SLC22A23: variants seen among roughly 807,000 people sequenced by gnomAD.
SLC22A23 encodes the protein ion transporter protein.
A neutral mutation model predicts 61.0 loss-of-function variants in SLC22A23; 26 were observed. That is an observed-to-expected ratio of 0.43 (90% CI 0.31 to 0.59). The LOEUF (loss-of-function observed/expected upper bound fraction) is 0.59, where lower values mean the gene tolerates loss of function less well. Ranked by LOEUF, SLC22A23 falls within the 20% of genes least tolerant of loss-of-function variation. The pLI is 0.11. For missense variants in SLC22A23, 796 were observed against 934.7 expected, an observed-to-expected ratio of 0.85 and a Z score of 1.94; for synonymous variants, 430 against 413.9, an observed-to-expected ratio of 1.04 and a Z score of -0.47.
rs139646644 is a variant in SLC22A23 at position 3,427,417 on chromosome 6, AACTG to A, written c.655-11566_655-11563del. On this transcript the variant is annotated intron_variant, in intron 1 of 9. Coordinates refer to ENST00000406686, the MANE Select transcript of SLC22A23 (RefSeq NM_015482.2). The surrounding 1 kb of genome is among the most constrained non-coding windows in gnomAD (Gnocchi z 4.3). Reference sequence around the variant, plus strand: ...AGCTATTCATTTTAGCCTCACCCCTAACTGACCCAAATTAAGGGGTATTTTACTA... The same window carrying A: ...AGCTATTCATTTTAGCCTCACCCCTAACCCAAATTAAGGGGTATTTTACTA... 0.022 allele frequency among the ~76,000 whole-genome samples: 3,276 copies of A among 152,178 alleles called. 115 individuals are homozygous for A. The highest frequency in any genetic ancestry group is 0.074 in the African/African-American group (3,084 of 41,500).
rs1766271022 is a variant in SLC22A23, at chr6:3,372,300, T to C, written c.913+37888A>G. ...CTAGTGTTTCAAAGTAGGGTATGAA[T>C]GCAGTAACAGGTAACAGGGATTTGA... is the stretch of plus-strand genomic sequence containing the variant. On this transcript the variant is annotated intron_variant, in intron 3 of 9. Transcript: ENST00000406686. The surrounding 1 kb of genome is among the most constrained non-coding windows in gnomAD (Gnocchi z 4.7). Among the ~76,000 whole-genome samples the C allele has an allele frequency of 6.6e-6, 1 of 152,138 alleles. No individual in the cohort carries two copies. Among genetic ancestry groups the C allele is most frequent in the Non-Finnish European group, 1.5e-5 (1 of 68,020 alleles).
At chr6:3,440,788 T>C (rs1175431965) in intron 1 of SLC22A23, among the ~76,000 whole-genome samples, 1 of 151,286 alleles carries the variant, frequency 6.6e-6, no homozygotes, top group East Asian at 1.9e-4. Flanking sequence ...AAGACAGCCA[T>C]GTAACAAGCC....
At chr6:3,343,039 G>C (rs1057362130) in intron 3 of SLC22A23, among the ~76,000 whole-genome samples, 1 of 152,204 alleles carries the variant, frequency 6.6e-6, no homozygotes, top group African/African-American at 2.4e-5. Flanking sequence ...TTCTCATCCT[G>C]CATCAACTTC....
intron 3 of SLC22A23, among the ~76,000 whole-genome samples, chr6:3,334,342 G>C (rs1052919927): frequency 6.6e-6 from 1 of 152,152 alleles, no homozygotes; most frequent in Non-Finnish European, 1.5e-5. Context: ...TGTATTTTTA[G>C]TAGAGATGGG....
intron 2 of SLC22A23, among the ~76,000 whole-genome samples, chr6:3,412,808 GGACTT>G (rs1368241516): frequency 2.0e-5 from 3 of 152,314 alleles, no homozygotes; most frequent in South Asian, 4.1e-4. Flanking sequence ...GGTGTGAGAA[GGACTT>G]GACTTGACAT....
chr6:3,408,841 T>C (rs1018766326), intron 3 of SLC22A23, among the ~76,000 whole-genome samples: 1 of 152,190 alleles, frequency 6.6e-6, no homozygotes, highest in African/African-American at 2.4e-5. Context: ...GCCCTCCCCC[T>C]GTGAGAATGG....
chr6:3,334,509 T>C (rs9503549), intron 3 of SLC22A23, among the ~76,000 whole-genome samples: 37,188 of 151,638 alleles, frequency 0.25, 5,874 homozygotes, highest in African/African-American at 0.44. Flanking sequence ...TTTTTTTTTT[T>C]CAATGAAAAA....
intron 4 of SLC22A23, among the ~76,000 whole-genome samples, chr6:3,310,786 C>G (rs1762327556): frequency 6.6e-6 from 1 of 152,236 alleles, no homozygotes; most frequent in Non-Finnish European, 1.5e-5. Flanking sequence ...CACTTAACAC[C>G]TGCTGTGAAG....
At chr6:3,380,640 G>C (rs947520251) in intron 3 of SLC22A23, among the ~76,000 whole-genome samples, 1 of 147,510 alleles carries the variant, frequency 6.8e-6, no homozygotes, top group Non-Finnish European at 1.5e-5. Context: ...CTCACATTAA[G>C]TTATTAAAAA....
intron 3 of SLC22A23, among the ~76,000 whole-genome samples, chr6:3,380,417 T>C (rs998811325): frequency 7.2e-5 from 11 of 152,232 alleles, no homozygotes; most frequent in Admixed American, 7.2e-4. Context: ...CATCAGCTAA[T>C]AGTATTTCCA....
chr6:3,330,863 A>AT lies in SLC22A23; in HGVS notation c.914-6862dup, dbSNP rs1297254683. Reference sequence around the variant, plus strand: ...TTTAAAAAACAGAGAAATTTTAAGTATTTCTTACAAATCACATTCCAGTGT... The same window carrying AT: ...TTTAAAAAACAGAGAAATTTTAAGTATTTTCTTACAAATCACATTCCAGTGT... On this transcript the variant is annotated intron_variant, in intron 3 of 9. Transcript: ENST00000406686. The surrounding 1 kb of genome is among the most constrained non-coding windows in gnomAD (Gnocchi z 4.7). 6.6e-6 allele frequency among the ~76,000 whole-genome samples: 1 copy of AT among 152,210 alleles called. No homozygotes were observed. Among genetic ancestry groups the AT allele is most frequent in the East Asian group, 1.9e-4 (1 of 5,190 alleles).
chr6:3,353,016 T>G (rs1462452533), intron 3 of SLC22A23, among the ~76,000 whole-genome samples: 1 of 152,206 alleles, frequency 6.6e-6, no homozygotes, highest in Non-Finnish European at 1.5e-5. Flanking sequence ...GTGATTATAT[T>G]CATTTTTTGC....
chr6:3,277,355 A>C lies in SLC22A23; in HGVS notation c.1704-3943T>G, dbSNP rs114005678. Reference sequence around the variant, plus strand: ...ACACTGCCTCCTCAAGCTGCTTCACACCCGCCCACCCTCACCCTTCCAGGA... The same window carrying C: ...ACACTGCCTCCTCAAGCTGCTTCACCCCCGCCCACCCTCACCCTTCCAGGA... On this transcript the variant is annotated intron_variant, in intron 9 of 9. Coordinates refer to ENST00000406686, the MANE Select transcript of SLC22A23 (RefSeq NM_015482.2). Among the ~76,000 whole-genome samples, 371 of 149,312 alleles carry C rather than the reference A, an allele frequency of 2.5e-3. 1 individual carries two copies. Among genetic ancestry groups the C allele is most frequent in the African/African-American group, 8.1e-3 (329 of 40,586 alleles).
chr6:3,377,328 G>A (rs1766641022), intron 3 of SLC22A23, among the ~76,000 whole-genome samples: 1 of 152,104 alleles, frequency 6.6e-6, no homozygotes, highest in African/African-American at 2.4e-5. Flanking sequence ...GCCAAAGAAG[G>A]GCATTGCTGC....
intron 8 of SLC22A23, 97 bp downstream of exon 8, chr6:3,284,982 G>A (rs953444255): frequency 1.2e-5 from 19 of 1,557,806 alleles, no homozygotes; most frequent in Non-Finnish European, 1.6e-5. Context: ...CGGGGAGAAA[G>A]AGAAAATGGA....
intron 3 of SLC22A23, among the ~76,000 whole-genome samples, chr6:3,365,624 G>A (rs1345717116): frequency 6.6e-6 from 1 of 152,138 alleles, no homozygotes; most frequent in Non-Finnish European, 1.5e-5. Context: ...ACTAAAGAAA[G>A]CAAATTAGAC....
At chr6:3,383,956 A>G (rs936185020) in intron 3 of SLC22A23, among the ~76,000 whole-genome samples, 6 of 152,200 alleles carry the variant, frequency 3.9e-5, no homozygotes, top group African/African-American at 1.4e-4. Context: ...TGGCAACATC[A>G]GCTTCCTCTG....
chr6:3,335,710 T>G (rs1763814792), intron 3 of SLC22A23, among the ~76,000 whole-genome samples: 1 of 152,166 alleles, frequency 6.6e-6, no homozygotes, highest in Non-Finnish European at 1.5e-5. Flanking sequence ...TTCTATAGAT[T>G]GGTGCCATTA....
chr6:3,310,641 T>A (rs72839385), intron 4 of SLC22A23, among the ~76,000 whole-genome samples: 3,366 of 150,200 alleles, frequency 0.022, 55 homozygotes, highest in Non-Finnish European at 0.036. Flanking sequence ...GAATCTGTAA[T>A]TAAAACTCAA....
Sources: allele counts gnomAD v4.1 joint callset (sites outside exome capture counted in the v4.1 genomes callset), GRCh38; gene constraint gnomAD v4.1.1; non-coding constraint Gnocchi (gnomAD v3.1); transcripts MANE v1.5; gene names NCBI Gene and HGNC (gene_info 2026-07-23, HGNC 2026-07-21).